Variants in CFAP20DC observed in about 807,000 individuals in gnomAD.
CFAP20DC encodes protein CFAP20DC.
CFAP20DC carries 84 observed loss-of-function variants against 101.7 expected under a neutral mutation model. The observed-to-expected ratio is 0.83, with a 90% confidence interval of 0.69 to 0.99. CFAP20DC has a LOEUF of 0.99. Ranked by LOEUF, CFAP20DC falls within the 50% of genes least tolerant of loss-of-function variation. The pLI is 0.00. For synonymous variants in CFAP20DC, 359 were observed against 351.2 expected (o/e 1.02, Z -0.25); for missense variants, 1,007 against 970.3 (o/e 1.04, Z -0.50).
In CFAP20DC at chr3:58,894,669, A is replaced by G. The variant is rs2082526942; in HGVS notation, c.551-9960T>C. 6.6e-6 allele frequency among the ~76,000 whole-genome samples: 1 copy of G among 152,096 alleles called. No individual in the cohort carries two copies. The highest frequency in any genetic ancestry group is 2.1e-4 in the South Asian group (1 of 4,826). ...GTGGATCTACCATTCCGGGGTTTGG[A>G]GGATGGTGGCCCTCTTCTTACAGCT... On this transcript the variant is annotated intron_variant, in intron 6 of 16. Transcript: ENST00000482387. This position sits in a 1 kb window ranked among gnomAD's most constrained non-coding sequence, Gnocchi z 4.1.
chr3:59,022,705 T>C (rs2093825189), intron 4 of CFAP20DC, among the ~76,000 whole-genome samples: 2 of 152,076 alleles, frequency 1.3e-5, no homozygotes, highest in African/African-American at 4.8e-5. Flanking sequence ...AAATAGTTTA[T>C]TATAATATAT....
intron 14 of CFAP20DC, among the ~76,000 whole-genome samples, chr3:58,815,074 A>C (rs1187580374): frequency 6.6e-6 from 1 of 151,624 alleles, no homozygotes; most frequent in Non-Finnish European, 1.5e-5. Context: ...AAAAGAACAA[A>C]GCTGGAGGCA....
chr3:59,028,227 G>A (rs1029522386), intron 4 of CFAP20DC, among the ~76,000 whole-genome samples: 5 of 152,214 alleles, frequency 3.3e-5, no homozygotes, highest in African/African-American at 1.2e-4. Flanking sequence ...AAAGAAAAAA[G>A]AGGAATCAAT....
intron 7 of CFAP20DC, among the ~76,000 whole-genome samples, chr3:58,877,027 T>G (rs1320744855): frequency 6.6e-6 from 1 of 152,178 alleles, no homozygotes; most frequent in Non-Finnish European, 1.5e-5. Context: ...GTCATGGCAT[T>G]TTTGTTAGAG....
rs113138252 is a variant in CFAP20DC at position 58,783,914 on chromosome 3, G to A, written c.2237+22481C>T. Among the ~76,000 whole-genome samples, 23 of 152,196 alleles carry A rather than the reference G, an allele frequency of 1.5e-4. 1 individual carries two copies. Among genetic ancestry groups the A allele is most frequent in the African/African-American group, 5.3e-4 (22 of 41,536 alleles). ...TGCAGATTTGTTATGTGGGTATATT[G>A]TGTGATGCTGAGGTTTGGGGTATGA... On this transcript the variant is annotated intron_variant, in intron 15 of 16. Transcript: ENST00000482387.
intron 4 of CFAP20DC, among the ~76,000 whole-genome samples, chr3:58,955,344 C>T (rs745551415): frequency 1.3e-5 from 2 of 152,156 alleles, no homozygotes; most frequent in Non-Finnish European, 2.9e-5. Context: ...ATCACTGATG[C>T]CACCCCTCCC....
Position 58,762,783 on chromosome 3 carries a change from T to C in CFAP20DC, c.2238-8920A>G, listed in dbSNP as rs1340980500. Among the ~76,000 whole-genome samples the C allele has an allele frequency of 2.6e-5, 4 of 151,548 alleles. No individual in the cohort carries two copies. The East Asian group carries it at 7.7e-4, about 29-fold the overall frequency. ...GCTTGTCTGTAAAGGATTTTATTTCTCCTTCACTTATGAAGCTTAGTTTGG... is the reference window on the plus strand; with the variant it reads ...GCTTGTCTGTAAAGGATTTTATTTCCCCTTCACTTATGAAGCTTAGTTTGG... On this transcript the variant is annotated intron_variant, in intron 15 of 16. Transcript: ENST00000482387.
chr3:58,908,390 C>T (rs1002688545), intron 6 of CFAP20DC, among the ~76,000 whole-genome samples: 7 of 152,154 alleles, frequency 4.6e-5, no homozygotes, highest in Admixed American at 4.6e-4. Flanking sequence ...TATGATTTTT[C>T]ATAATTTTTG....
rs568410692 is a variant in CFAP20DC, at chr3:58,887,982, T to C, written c.551-3273A>G. Among the ~76,000 whole-genome samples the C allele has an allele frequency of 6.6e-5, 10 of 152,328 alleles. No homozygotes were observed. The East Asian group carries it at 1.7e-3, about 26-fold the overall frequency. On this transcript the variant is annotated intron_variant, in intron 6 of 16. Coordinates refer to ENST00000482387, the MANE Select transcript of CFAP20DC (RefSeq NM_001394063.1). Reference sequence around the variant, plus strand: ...GTCTCATTTTTGTGAAACCAAACTATGAAAGAGCTTTAGGACCATCTATTA... The same window carrying C: ...GTCTCATTTTTGTGAAACCAAACTACGAAAGAGCTTTAGGACCATCTATTA...
At chr3:59,029,789 T>C (rs1182882947) in intron 4 of CFAP20DC, among the ~76,000 whole-genome samples, 1 of 152,078 alleles carries the variant, frequency 6.6e-6, no homozygotes, top group African/African-American at 2.4e-5. Context: ...CAGGCAAATG[T>C]GATGGTGGTT....
chr3:58,980,607 CAT>C (rs1320249369), intron 4 of CFAP20DC, among the ~76,000 whole-genome samples: 8 of 152,172 alleles, frequency 5.3e-5, no homozygotes, highest in African/African-American at 1.2e-4. Context: ...ACAAAAACCA[CAT>C]GATTATCTCA....
chr3:58,742,599 A>T (rs1353234054), intron 16 of CFAP20DC, 27 bp from the exon 17 acceptor site: 1 of 1,556,976 alleles, frequency 6.4e-7, no homozygotes, highest in African/African-American at 1.4e-5. Context: ...CCACAGACAC[A>T]TTAGCTGTTG....
chr3:58,855,082 A>G (rs2078645287), intron 12 of CFAP20DC, among the ~76,000 whole-genome samples: 2 of 150,158 alleles, frequency 1.3e-5, no homozygotes, highest in Admixed American at 1.3e-4. Context: ...TTCGCAACCT[A>G]CTCATCTGAC....
At chr3:58,965,297 C>A (rs1038583374) in intron 4 of CFAP20DC, among the ~76,000 whole-genome samples, 4 of 152,170 alleles carry the variant, frequency 2.6e-5, no homozygotes, top group African/African-American at 9.7e-5. Flanking sequence ...CATTATATTT[C>A]TTTCCATAGG....
intron 15 of CFAP20DC, among the ~76,000 whole-genome samples, chr3:58,773,848 C>G (rs1326170207): frequency 6.6e-6 from 1 of 151,956 alleles, no homozygotes; most frequent in Non-Finnish European, 1.5e-5. Context: ...AAGAATGTTA[C>G]AATGGCAAAG....
chr3:59,021,617 A>C (rs1249045670), intron 4 of CFAP20DC, among the ~76,000 whole-genome samples: 1 of 152,112 alleles, frequency 6.6e-6, no homozygotes, highest in East Asian at 1.9e-4. Flanking sequence ...TATTATTTCA[A>C]ATCTCTGAAC....
intron 15 of CFAP20DC, among the ~76,000 whole-genome samples, chr3:58,781,179 T>C (rs1193846192): frequency 2.0e-5 from 3 of 151,716 alleles, no homozygotes; most frequent in South Asian, 2.1e-4. Context: ...CAACATACTT[T>C]TGAATGACCA....
At chr3:58,774,470 G>A (rs1337033097) in intron 15 of CFAP20DC, among the ~76,000 whole-genome samples, 1 of 152,268 alleles carries the variant, frequency 6.6e-6, no homozygotes, top group East Asian at 1.9e-4. Context: ...TTTTATTTAA[G>A]TTGTAGAAAT....
At chr3:58,890,603 G>A (rs557465995) in intron 6 of CFAP20DC, among the ~76,000 whole-genome samples, 6 of 151,518 alleles carry the variant, frequency 4.0e-5, no homozygotes, top group East Asian at 2.0e-4. Flanking sequence ...GGTGGCTGCC[G>A]GGCGGAGACG....
Sources: allele counts gnomAD v4.1 joint callset (sites outside exome capture counted in the v4.1 genomes callset), GRCh38; gene constraint gnomAD v4.1.1; non-coding constraint Gnocchi (gnomAD v3.1); transcripts MANE v1.5; gene names NCBI Gene and HGNC (gene_info 2026-07-23, HGNC 2026-07-21).